The following CIDEA variants were observed in gnomAD, a reference collection of about 807,000 sequenced individuals.
CIDEA encodes cell death inducing DFFA like effector a, also known as lipid transferase CIDEA.
In CIDEA, 10 loss-of-function variants were observed where a neutral mutation model predicts 18.2. The ratio of observed to expected loss-of-function variants is 0.55; its 90% confidence interval spans 0.34 to 0.93. The LOEUF (loss-of-function observed/expected upper bound fraction) is 0.93, where lower values mean the gene tolerates loss of function less well. Ranked by LOEUF, CIDEA falls within the 40% of genes least tolerant of loss-of-function variation. The pLI, the probability that CIDEA is intolerant of heterozygous loss-of-function variation, is 0.02. For synonymous variants in CIDEA, 128 were observed against 124.8 expected (o/e 1.03, Z -0.17); for missense variants, 309 against 293.1 (o/e 1.05, Z -0.40).
chr18:12,272,688 G>A (rs1481034586), intron 3 of CIDEA, among the ~76,000 whole-genome samples: 2 of 151,936 alleles, frequency 1.3e-5, no homozygotes, highest in African/African-American at 4.8e-5. Flanking sequence ...AGCTACAACC[G>A]CTTAGAAAAG....
Position 12,264,329 on chromosome 18 carries a change from C to G in CIDEA, c.206C>G (p.Ala69Gly). 1 of 1,613,374 alleles carries G rather than the reference C, an allele frequency of 6.2e-7. No individual in the cohort carries two copies. The highest frequency in any genetic ancestry group is 8.5e-7 in the Non-Finnish European group (1 of 1,179,634). The change falls in exon 3 of 5, where the codon GCT becomes GGT. Residue 69 changes from alanine to glycine, a missense_variant. Physicochemically the swap from Ala to Gly is moderately conservative, Grantham distance 60. Transcript: ENST00000320477. Reference protein sequence around the residue: ...ISKTLDALVIATGLVTLVLEE... With the variant: ...ISKTLDALVIGTGLVTLVLEE... ...TAGACTCTGGATGCCCTCGTCATCG[C>G]TACCGGACTGGTCACTCTGGTGCTG...
chr18:12,271,161 C>A (rs1037666111), intron 3 of CIDEA, among the ~76,000 whole-genome samples: 2 of 151,536 alleles, frequency 1.3e-5, no homozygotes, highest in African/African-American at 4.8e-5. Flanking sequence ...GGCCTCCCAC[C>A]GTGCTAGGAT....
At chr18:12,272,147 T>TGGGGGGGG (rs1259474425) in intron 3 of CIDEA, among the ~76,000 whole-genome samples, 7 of 1,474 alleles carry the variant, frequency 4.7e-3, no homozygotes, top group African/African-American at 0.013. Context: ...TGAGTGTGTG[T>TGGGGGGGG]GTGGGGGGGG....
chr18:12,265,985 C>T (rs1912337350), intron 3 of CIDEA, among the ~76,000 whole-genome samples: 1 of 152,122 alleles, frequency 6.6e-6, no homozygotes, highest in Admixed American at 6.6e-5. Flanking sequence ...CTCAAAGAAA[C>T]ATTAAAAATA....
intron 1 of CIDEA, 142 bp downstream of exon 1, chr18:12,254,563 C>CCCGCGCACACACCCAA: frequency 6.6e-7 from 1 of 1,509,726 alleles, no homozygotes. Flanking sequence ...GCTCCGCGAC[C>CCCGCGCACACACCCAA]CCGCGCACAC....
intron 4 of CIDEA, among the ~76,000 whole-genome samples, chr18:12,276,567 T>C (rs1297253028): frequency 6.6e-6 from 1 of 152,204 alleles, no homozygotes; most frequent in Non-Finnish European, 1.5e-5. Context: ...GCCCCCACAC[T>C]GGAGGCACCG....
chr18:12,271,567 G>T (rs1476084242), intron 3 of CIDEA, among the ~76,000 whole-genome samples: 2 of 152,200 alleles, frequency 1.3e-5, no homozygotes, highest in East Asian at 1.9e-4. Context: ...GATGGGAAAG[G>T]CGGGTTTGTT....
At chr18:12,257,380 A>G (rs944852008) in intron 1 of CIDEA, among the ~76,000 whole-genome samples, 2 of 152,054 alleles carry the variant, frequency 1.3e-5, no homozygotes, top group Admixed American at 6.5e-5. Context: ...ACACCAAAAT[A>G]TTTCACTTTG....
chr18:12,254,434 C>T lies in CIDEA; in HGVS notation c.38+13C>T. 2 of 1,595,106 alleles carry T rather than the reference C, an allele frequency of 1.3e-6. No individual in the cohort carries two copies. Among genetic ancestry groups the T allele is most frequent in the South Asian group, 2.3e-5 (2 of 87,940 alleles). On this transcript the variant is annotated intron_variant, in intron 1 of 4. Transcript: ENST00000320477. ...GAGCCCTCATCAGGCGAGTGCCCCGCGTCCCCCTGATTGCCGTGCGCTTCC... is the reference window on the plus strand; with the variant it reads ...GAGCCCTCATCAGGCGAGTGCCCCGTGTCCCCCTGATTGCCGTGCGCTTCC...
intron 3 of CIDEA, among the ~76,000 whole-genome samples, chr18:12,271,830 T>C (rs1351930203): frequency 6.6e-6 from 1 of 151,714 alleles, no homozygotes; most frequent in Non-Finnish European, 1.5e-5. Flanking sequence ...CGCCAGCAGG[T>C]GTCTCGCTCC....
intron 3 of CIDEA, among the ~76,000 whole-genome samples, chr18:12,272,165 G>GAT (rs1912562763): frequency 8.6e-5 from 1 of 11,662 alleles, no homozygotes; most frequent in African/African-American, 1.4e-4. Flanking sequence ...GGGGGGGTTG[G>GAT]GGGGGGGTTG....
intron 3 of CIDEA, among the ~76,000 whole-genome samples, chr18:12,273,726 G>T (rs945222000): frequency 1.3e-5 from 2 of 152,202 alleles, no homozygotes; most frequent in South Asian, 2.1e-4. Context: ...ACAGTGATGA[G>T]ATGAGATTCT....
chr18:12,277,223 C>G lies in CIDEA; in HGVS notation c.613C>G (p.Arg205Gly). Residue 205 changes from arginine (R) to glycine (G), a missense_variant, in exon 5 of 5, where the codon CGG (arginine) becomes GGG (glycine). Coordinates refer to ENST00000320477, the MANE Select transcript of CIDEA (RefSeq NM_001279.4). ...CCGGGTGCTGGATGACAAGGAAGAGCGGCCATCCCTCCGGTCACAAGCCAA... is the reference window on the plus strand; with the variant it reads ...CCGGGTGCTGGATGACAAGGAAGAGGGGCCATCCCTCCGGTCACAAGCCAA... ...MLRVLDDKEE[R>G]PSLRSQAKGR... is the part of the protein sequence containing the mutation. 6.2e-7 allele frequency: 1 copy of G among 1,614,184 alleles called. No homozygotes were observed. The highest frequency in any genetic ancestry group is 2.2e-5 in the East Asian group (1 of 44,886).
chr18:12,257,950 G>A (rs1311319463), intron 1 of CIDEA, among the ~76,000 whole-genome samples: 1 of 152,208 alleles, frequency 6.6e-6, no homozygotes, highest in East Asian at 1.9e-4. Flanking sequence ...GGTACCTGTA[G>A]GGTCCTGGAG....
intron 3 of CIDEA, among the ~76,000 whole-genome samples, chr18:12,271,225 G>A (rs116096640): frequency 0.019 from 2,951 of 152,176 alleles, 85 homozygotes; most frequent in African/African-American, 0.066. Flanking sequence ...ATCCTCAGCC[G>A]TGGCAGATGG....
intron 1 of CIDEA, among the ~76,000 whole-genome samples, chr18:12,260,394 C>A (rs1185132206): frequency 6.6e-6 from 1 of 151,946 alleles, no homozygotes; most frequent in African/African-American, 2.4e-5. Flanking sequence ...CTATGTTGCC[C>A]AGATTGGTCT....
rs1157159822 is a variant in CIDEA, at chr18:12,262,853, A to G, written c.67A>G (p.Lys23Glu). 3.1e-6 allele frequency: 5 copies of G among 1,614,062 alleles called. No individual in the cohort carries two copies. Among genetic ancestry groups the G allele is most frequent in the Non-Finnish European group, 4.2e-6 (5 of 1,180,024 alleles). Residue 23 changes from lysine to glutamate, a missense_variant, in exon 2 of 5, where the codon AAG becomes GAG. Transcript: ENST00000320477. ...RPLTFMGSQTKRVLFTPLMHP... is the reference protein window; with the variant it reads ...RPLTFMGSQTERVLFTPLMHP... ...CCTGACATTTATGGGATCACAGACT[A>G]AGCGAGTCCTGTTCACCCCGCTCAT...
At chr18:12,270,595 A>T (rs1912484525) in intron 3 of CIDEA, among the ~76,000 whole-genome samples, 1 of 149,234 alleles carries the variant, frequency 6.7e-6, no homozygotes. Flanking sequence ...AGGTTGAGGC[A>T]GATAATTGTT....
intron 3 of CIDEA, among the ~76,000 whole-genome samples, chr18:12,270,774 C>T (rs1384791105): frequency 6.8e-6 from 1 of 146,632 alleles, no homozygotes; most frequent in African/African-American, 2.6e-5. Context: ...TTAGACAAAT[C>T]ATTTAAAGCA....
Sources: allele counts gnomAD v4.1 joint callset (sites outside exome capture counted in the v4.1 genomes callset), GRCh38; gene constraint gnomAD v4.1.1; transcripts MANE v1.5; gene names NCBI Gene and HGNC (gene_info 2026-07-23, HGNC 2026-07-21).